The following NKAIN2 variants were observed in gnomAD, a reference collection of about 807,000 sequenced individuals.
The protein encoded by NKAIN2 is sodium/potassium-transporting ATPase subunit beta-1-interacting protein 2.
Under a neutral mutation model 32.6 loss-of-function variants are expected in NKAIN2, and 14 were observed. That is an observed-to-expected ratio of 0.43 (90% CI 0.28 to 0.67). The LOEUF (loss-of-function observed/expected upper bound fraction) is 0.67. Among genes scored for constraint, NKAIN2 ranks in the 30% least tolerant of loss-of-function variants. The pLI, the probability that NKAIN2 is intolerant of heterozygous loss-of-function variation, is 0.17. For missense variants in NKAIN2, 198 were observed against 258.3 expected (o/e 0.77, Z 1.60); for synonymous variants, 80 against 87.2 (o/e 0.92, Z 0.46).
intron 1 of NKAIN2, among the ~76,000 whole-genome samples, chr6:123,943,337 A>C (rs768135840): frequency 1.4e-4 from 21 of 152,058 alleles, no homozygotes; most frequent in Non-Finnish European, 2.9e-4. Flanking sequence ...CACCCTAAAT[A>C]GTAAGTTACT....
chr6:124,591,469 A>G (rs1781909866), intron 3 of NKAIN2, among the ~76,000 whole-genome samples: 1 of 152,096 alleles, frequency 6.6e-6, no homozygotes. Context: ...GGATATTTCA[A>G]AGCCTAGAGC....
intron 1 of NKAIN2, among the ~76,000 whole-genome samples, chr6:123,898,740 ATT>A (rs1261339815): frequency 1.3e-5 from 2 of 152,090 alleles, no homozygotes; most frequent in African/African-American, 4.8e-5. Context: ...GTTGAAATCA[ATT>A]TACCAAAGTA....
At chr6:124,658,487 C>A in intron 4 of NKAIN2, 101 bp downstream of exon 4, 8 of 1,567,490 alleles carry the variant, frequency 5.1e-6, no homozygotes, top group Non-Finnish European at 6.9e-6. Flanking sequence ...TAAAGTGTGG[C>A]CTTTTTGCTT....
intron 4 of NKAIN2, among the ~76,000 whole-genome samples, chr6:124,688,243 ACT>A (rs1258231284): frequency 6.6e-6 from 1 of 151,896 alleles, no homozygotes; most frequent in African/African-American, 2.4e-5. Context: ...TGTATCATGT[ACT>A]CTGTCTTGAA....
At chr6:124,807,054 C>T (rs1393735210) in intron 5 of NKAIN2, among the ~76,000 whole-genome samples, 3 of 151,844 alleles carry the variant, frequency 2.0e-5, no homozygotes, top group African/African-American at 7.3e-5. Flanking sequence ...ACTTTAACAC[C>T]CCACTGTCAA....
intron 1 of NKAIN2, among the ~76,000 whole-genome samples, chr6:123,960,301 C>A (rs2114609979): frequency 6.6e-6 from 1 of 152,274 alleles, no homozygotes; most frequent in Non-Finnish European, 1.5e-5. Flanking sequence ...CACATTTCCA[C>A]CATTGCATTT....
At chr6:124,671,972 A>G (rs1342353463) in intron 4 of NKAIN2, among the ~76,000 whole-genome samples, 1 of 152,038 alleles carries the variant, frequency 6.6e-6, no homozygotes, top group African/African-American at 2.4e-5. Flanking sequence ...CAAGAACCAT[A>G]CAATATTTTA....
intron 2 of NKAIN2, among the ~76,000 whole-genome samples, chr6:124,346,342 T>A (rs147763872): frequency 1.2e-4 from 19 of 152,182 alleles, no homozygotes; most frequent in Non-Finnish European, 2.1e-4. Context: ...TGTAGATGTC[T>A]ATTAGGTCCG....
chr6:124,169,854 A>C (rs1182538733), intron 1 of NKAIN2, among the ~76,000 whole-genome samples: 1 of 152,152 alleles, frequency 6.6e-6, no homozygotes, highest in African/African-American at 2.4e-5. Flanking sequence ...TTATTCAGAA[A>C]TCGCAGAGAA....
intron 2 of NKAIN2, among the ~76,000 whole-genome samples, chr6:124,348,274 G>T (rs982321401): frequency 5.3e-5 from 8 of 150,394 alleles, no homozygotes; most frequent in Admixed American, 6.6e-5. Flanking sequence ...GCTGCTCGGG[G>T]GTCAGGGGTC....
chr6:124,173,615 C>A (rs577897497), intron 1 of NKAIN2, among the ~76,000 whole-genome samples: 59 of 152,076 alleles, frequency 3.9e-4, no homozygotes, highest in Admixed American at 1.5e-3. Context: ...TGCTCCAAAT[C>A]AAATTATTTC....
chr6:124,541,676 C>T (rs1240076648), intron 3 of NKAIN2, among the ~76,000 whole-genome samples: 2 of 152,076 alleles, frequency 1.3e-5, no homozygotes, highest in Non-Finnish European at 2.9e-5. Flanking sequence ...TTTTAAAACA[C>T]CCACCAATAT....
At chr6:124,211,286 A>G (rs1187571211) in intron 1 of NKAIN2, among the ~76,000 whole-genome samples, 7 of 151,880 alleles carry the variant, frequency 4.6e-5, no homozygotes, top group Non-Finnish European at 8.8e-5. Context: ...ATCCTCCCTC[A>G]TGAGCAATAT....
At chr6:124,415,704 G>T in intron 3 of NKAIN2, among the ~76,000 whole-genome samples, 1 of 152,072 alleles carries the variant, frequency 6.6e-6, no homozygotes, top group Non-Finnish European at 1.5e-5. Flanking sequence ...CTACCTAGGA[G>T]GTGTCAACCA....
chr6:124,410,720 T>C (rs975910894), intron 3 of NKAIN2, among the ~76,000 whole-genome samples: 5 of 152,202 alleles, frequency 3.3e-5, no homozygotes, highest in African/African-American at 1.2e-4. Context: ...GTCCGCTTGG[T>C]GCAGAGCTGA....
At chr6:124,497,408 T>C (rs1231252567) in intron 3 of NKAIN2, among the ~76,000 whole-genome samples, 1 of 152,190 alleles carries the variant, frequency 6.6e-6, no homozygotes, top group East Asian at 1.9e-4. Context: ...TTGTTCAAGA[T>C]AGATAATACA....
chr6:124,174,199 G>T (rs1789041722), intron 1 of NKAIN2, among the ~76,000 whole-genome samples: 2 of 152,112 alleles, frequency 1.3e-5, no homozygotes, highest in African/African-American at 4.8e-5. Flanking sequence ...TTACTTAAGA[G>T]AACTCCCACC....
intron 3 of NKAIN2, among the ~76,000 whole-genome samples, chr6:124,477,554 C>T (rs1472565422): frequency 6.6e-6 from 1 of 152,096 alleles, no homozygotes; most frequent in Non-Finnish European, 1.5e-5. Context: ...GGTGGTACTC[C>T]TGCATCAGCC....
At chr6:124,702,924 G>A (rs1774872063) in intron 4 of NKAIN2, among the ~76,000 whole-genome samples, 1 of 151,974 alleles carries the variant, frequency 6.6e-6, no homozygotes, top group South Asian at 2.1e-4. Context: ...GTTAAATTTG[G>A]CTCACTGCTT....
Sources: gnomAD v4.1 joint callset for allele counts (sites outside exome capture counted in the v4.1 genomes callset) on GRCh38, gnomAD v4.1.1 for gene constraint, MANE v1.5 for transcripts, NCBI Gene and HGNC (gene_info 2026-07-23, HGNC 2026-07-21) for gene names.